The following RFC2 variants were observed in gnomAD, a reference collection of about 807,000 sequenced individuals.
RFC2 encodes the protein replication factor C subunit 2, also known as A1 40 kDa subunit.
Under a neutral mutation model 44.8 loss-of-function variants are expected in RFC2, and 34 were observed. That is an observed-to-expected ratio of 0.76 (90% CI 0.58 to 1.01). RFC2 has a LOEUF of 1.01. Among genes scored for constraint, RFC2 ranks in the 50% least tolerant of loss-of-function variants. RFC2 has a pLI of 0.00. For missense variants in RFC2, 400 were observed against 453.6 expected (o/e 0.88, Z 1.07); for synonymous variants, 177 against 168.9 (o/e 1.05, Z -0.37).
chr7:74,233,679 C>A (rs1802854398), intron 10 of RFC2: 2 of 387,326 alleles, frequency 5.2e-6, no homozygotes, highest in African/African-American at 2.1e-5. Context: ...CAGCTCACTG[C>A]AACCTCCACC....
chr7:74,236,507 G>A lies in RFC2; in HGVS notation c.840+855C>T, dbSNP rs1303111354. Among the ~76,000 whole-genome samples, 4 of 152,120 alleles carry A rather than the reference G, an allele frequency of 2.6e-5. No homozygotes were observed. The South Asian group carries it at 6.2e-4, about 24-fold the overall frequency. ...CACCACACCCATGTGGCTTGAGGTCGCCTGAACCCCAGCCACATCTGCTGG... is the reference window on the plus strand; with the variant it reads ...CACCACACCCATGTGGCTTGAGGTCACCTGAACCCCAGCCACATCTGCTGG... On this transcript the variant is annotated intron_variant, in intron 9 of 10. Transcript: ENST00000055077.
intron 9 of RFC2, 84 bp downstream of exon 9, chr7:74,237,278 G>T: frequency 2.3e-6 from 2 of 852,154 alleles, no homozygotes; most frequent in East Asian, 2.7e-5. Flanking sequence ...TGTGTATAAT[G>T]TCCCTGGTAC....
At chr7:74,249,341 G>C in intron 3 of RFC2, 1 of 651,558 alleles carries the variant, frequency 1.5e-6, no homozygotes, top group Non-Finnish European at 2.5e-6. Context: ...AGGAGTTCAA[G>C]ACCAGACTGG....
chr7:74,232,361 C>T (rs1243108061), intron 10 of RFC2, 145 bp from the exon 11 acceptor site: 8 of 575,924 alleles, frequency 1.4e-5, no homozygotes, highest in African/African-American at 3.8e-5. Context: ...CAACCCCAGC[C>T]GGAAAATGAA....
rs562031900 is a variant in RFC2 at position 74,248,578 on chromosome 7, T to G, written c.332+434A>C. 5.3e-5 allele frequency among the ~76,000 whole-genome samples: 8 copies of G among 152,024 alleles called. No homozygotes were observed. In the South Asian group the frequency reaches 1.7e-3, roughly 32 times the overall value. ...GCTCAACGGTGCGATCTCAGCTCAC[T>G]GTAACCTCCTTCTCCTGGGTTCAAG... On this transcript the variant is annotated intron_variant, in intron 4 of 10. Transcript: ENST00000055077.
chr7:74,239,577 C>T (rs1336305109), intron 7 of RFC2, among the ~76,000 whole-genome samples: 3 of 152,184 alleles, frequency 2.0e-5, no homozygotes, highest in Admixed American at 2.0e-4. Flanking sequence ...GTGATCCACC[C>T]GCCTTGGCCT....
In RFC2 at chr7:74,249,892, C is replaced by G. The variant is rs139813753; in HGVS notation, c.184-112G>C. The G allele has an allele frequency of 4.2e-5, 39 of 918,236 alleles. No individual in the cohort carries two copies. The African/African-American group carries it at 5.2e-4, about 12-fold the overall frequency. The allele number at this position is 918,236 out of a possible 1,614,324, so 56.9% of individuals were successfully genotyped here. A position where few individuals can be genotyped will look rare whatever the true frequency, so the allele number is the denominator to read the frequency against. The stretch of plus-strand genomic sequence containing the variant: ...GTTAAAACTCGGCTGAGCACAATGG[C>G]TCAGGCCTGTAATCCTAGCAGTTTG... On this transcript the variant is annotated intron_variant, in intron 2 of 10. Coordinates refer to ENST00000055077, the MANE Select transcript of RFC2 (RefSeq NM_181471.3).
chr7:74,250,562 C>T (rs1301675061), intron 2 of RFC2, among the ~76,000 whole-genome samples: 1 of 152,142 alleles, frequency 6.6e-6, no homozygotes, highest in Non-Finnish European at 1.5e-5. Context: ...GGTTTGGCCT[C>T]ATCCTCACCC....
chr7:74,252,531 G>A (rs782566268), intron 1 of RFC2, 33 bp from the exon 2 acceptor site: 20 of 1,291,020 alleles, frequency 1.5e-5, no homozygotes, highest in Non-Finnish European at 2.1e-5. Flanking sequence ...TGCTGACATG[G>A]TTATCTTCAC....
chr7:74,236,874 G>A lies in RFC2; in HGVS notation c.840+488C>T, dbSNP rs569222020. Among the ~76,000 whole-genome samples, 22 of 152,194 alleles carry A rather than the reference G, an allele frequency of 1.4e-4. No homozygotes were observed. The South Asian group carries it at 3.3e-3, about 23-fold the overall frequency. On this transcript the variant is annotated intron_variant, in intron 9 of 10. Transcript: ENST00000055077. ...CTTGGGAGGCTGAGGTGGGAGGATC[G>A]CCTGAGCCTGAGAGGTAGAGGCTAC...
At chr7:74,253,703 A>G (rs1787106981) in intron 1 of RFC2, 1 of 154,850 alleles carries the variant, frequency 6.5e-6, no homozygotes, top group Admixed American at 6.4e-5. Flanking sequence ...CCTGTGTGAC[A>G]AAGTGTGACT....
intron 5 of RFC2, among the ~76,000 whole-genome samples, chr7:74,244,946 T>C (rs1050300697): frequency 6.6e-6 from 1 of 151,920 alleles, no homozygotes; most frequent in African/African-American, 2.4e-5. Context: ...CTGAGTGATA[T>C]AGTGAGACCC....
chr7:74,248,371 T>C (rs1803741681), intron 4 of RFC2, among the ~76,000 whole-genome samples: 2 of 151,764 alleles, frequency 1.3e-5, no homozygotes, highest in African/African-American at 2.4e-5. Flanking sequence ...GGCATGTGTC[T>C]ATAGTCCTAG....
In RFC2 at chr7:74,235,688, G is replaced by A. The variant is rs782300806; in HGVS notation, c.841-43C>T. The A allele has an allele frequency of 7.5e-6, 10 of 1,328,372 alleles. No homozygotes were observed. In the South Asian group the frequency reaches 1.2e-4, roughly 16 times the overall value. 82.3% of individuals were successfully genotyped at this position (1,328,372 alleles called of 1,614,324 possible). ...AAAAGGCTGCTTACCACTTTAAACT[G>A]TAAGAAGACATGTGATTTTGAGACT... On this transcript the variant is annotated intron_variant, in intron 9 of 10. Coordinates refer to ENST00000055077, the MANE Select transcript of RFC2 (RefSeq NM_181471.3).
chr7:74,254,246 C>G, intron 1 of RFC2, 25 bp downstream of exon 1: 1 of 1,560,874 alleles, frequency 6.4e-7, no homozygotes, highest in Non-Finnish European at 8.8e-7. Flanking sequence ...CAAACGCGCC[C>G]ATTCTTTACG....
chr7:74,243,019 G>C, intron 6 of RFC2, 127 bp downstream of exon 6: 1 of 631,382 alleles, frequency 1.6e-6, no homozygotes, highest in Non-Finnish European at 2.8e-6. Flanking sequence ...AGGAGTTTGA[G>C]GCTGCAGTGA....
chr7:74,242,816 A>G (rs112006813), intron 6 of RFC2, among the ~76,000 whole-genome samples: 10,665 of 151,032 alleles, frequency 0.071, 1,235 homozygotes, highest in African/African-American at 0.24. Context: ...CCAGCTACGC[A>G]GGAGGCTGAA....
At chr7:74,252,917 C>T (rs1787054728) in intron 1 of RFC2, among the ~76,000 whole-genome samples, 2 of 152,178 alleles carry the variant, frequency 1.3e-5, no homozygotes, top group African/African-American at 4.8e-5. Flanking sequence ...GCCCGGGCTA[C>T]AGAGTGAGAC....
At position 74,231,975 on chromosome 7, in the gene RFC2, T is replaced by A; in HGVS notation, c.*131A>T. On this transcript the variant is annotated 3_prime_UTR_variant, in exon 11 of 11. Coordinates refer to ENST00000055077, the MANE Select transcript of RFC2 (RefSeq NM_181471.3). Reference sequence around the variant, plus strand: ...GATTACAGGCGTGAGCTACCGTGCCTGGCCAGCCACTGGAGTTTAAAGGAC... The same window carrying A: ...GATTACAGGCGTGAGCTACCGTGCCAGGCCAGCCACTGGAGTTTAAAGGAC... The A allele has an allele frequency of 1.5e-6, 1 of 657,766 alleles. No individual in the cohort carries two copies. Among genetic ancestry groups the A allele is most frequent in the South Asian group, 1.8e-5 (1 of 55,538 alleles). 40.7% of individuals were successfully genotyped at this position (657,766 alleles called of 1,614,324 possible).
Sources: allele counts gnomAD v4.1 joint callset (sites outside exome capture counted in the v4.1 genomes callset), GRCh38; gene constraint gnomAD v4.1.1; transcripts MANE v1.5; gene names NCBI Gene and HGNC (gene_info 2026-07-23, HGNC 2026-07-21).